CDH18: variants seen among roughly 807,000 people sequenced by gnomAD.
CDH18 encodes the protein cadherin 18, also known as cadherin-18.
CDH18 carries 31 observed loss-of-function variants against 67.9 expected under a neutral mutation model. The observed-to-expected ratio is 0.46, with a 90% CI of 0.34 to 0.62. The LOEUF (loss-of-function observed/expected upper bound fraction) is 0.62, where lower values mean the gene tolerates loss of function less well. Among genes scored for constraint, CDH18 ranks in the 20% least tolerant of loss-of-function variants. The probability of loss-of-function intolerance (pLI) is 0.01; values close to 1 mark genes in which losing one functional copy is unlikely to be tolerated. For missense variants in CDH18, 890 were observed against 975.5 expected, an observed-to-expected ratio of 0.91 and a Z score of 1.17; for synonymous variants, 362 against 347.2, an observed-to-expected ratio of 1.04 and a Z score of -0.48.
chr5:19,753,053 C>T (rs1581196504), intron 3 of CDH18, among the ~76,000 whole-genome samples: 1 of 152,274 alleles, frequency 6.6e-6, no homozygotes, highest in East Asian at 1.9e-4. Context: ...TAGACCTTCC[C>T]TCTGACATAA....
Position 20,484,122 on chromosome 5 carries a change from T to C in CDH18, c.-580+91340A>G, listed in dbSNP as rs151177914. Among the ~76,000 whole-genome samples, 1,412 of 152,062 alleles carry C rather than the reference T, an allele frequency of 9.3e-3. 13 individuals carry two copies. The highest frequency in any genetic ancestry group is 0.014 in the Non-Finnish European group (935 of 67,906). On this transcript the variant is annotated intron_variant, in intron 1 of 14. Transcript: ENST00000507958. Reference sequence around the variant, plus strand: ...TCTGAATAAAAATGGGCAAAAGGTCTGAATAGAAATTTCTCAAAAGAAGAC... The same window carrying C: ...TCTGAATAAAAATGGGCAAAAGGTCCGAATAGAAATTTCTCAAAAGAAGAC...
At chr5:20,123,423 C>G (rs944992512) in intron 2 of CDH18, among the ~76,000 whole-genome samples, 40 of 152,124 alleles carry the variant, frequency 2.6e-4, no homozygotes, top group African/African-American at 8.9e-4. Context: ...AACAACCTTA[C>G]CAAATGTATA....
rs75639431 is a variant in CDH18, at chr5:20,560,733, T to G, written c.-580+14729A>C. 4.4e-4 allele frequency among the ~76,000 whole-genome samples: 67 copies of G among 152,238 alleles called. No individual in the cohort carries two copies. The East Asian group carries it at 0.011, about 25-fold the overall frequency. ...AGGGTGAATTGGAAATTATGCTTTATTGTTGTCATAGGTACATAACAAATG... is the reference window on the plus strand; with the variant it reads ...AGGGTGAATTGGAAATTATGCTTTAGTGTTGTCATAGGTACATAACAAATG... On this transcript the variant is annotated intron_variant, in intron 1 of 14. Transcript: ENST00000507958.
At chr5:20,005,575 T>G (rs1229116424) in intron 2 of CDH18, among the ~76,000 whole-genome samples, 1 of 151,716 alleles carries the variant, frequency 6.6e-6, no homozygotes, top group East Asian at 1.9e-4. Flanking sequence ...TCTACACACA[T>G]GCATACATAT....
chr5:20,514,263 T>C (rs1175540033), intron 1 of CDH18, among the ~76,000 whole-genome samples: 5 of 152,130 alleles, frequency 3.3e-5, no homozygotes, highest in African/African-American at 2.4e-5. Flanking sequence ...ATTTTTTTAA[T>C]TGGTGTCTGA....
intron 1 of CDH18, among the ~76,000 whole-genome samples, chr5:20,437,252 A>G (rs1749241205): frequency 6.6e-6 from 1 of 151,304 alleles, no homozygotes; most frequent in South Asian, 2.1e-4. Flanking sequence ...ATACCTTTTT[A>G]TAATCCCATA....
At chr5:19,583,245 T>C (rs2149992834) in intron 7 of CDH18, among the ~76,000 whole-genome samples, 1 of 152,186 alleles carries the variant, frequency 6.6e-6, no homozygotes, top group South Asian at 2.1e-4. Flanking sequence ...TATCAGAAGC[T>C]ACAACTTTAA....
At chr5:20,117,399 G>A (rs1748013304) in intron 2 of CDH18, among the ~76,000 whole-genome samples, 1 of 152,076 alleles carries the variant, frequency 6.6e-6, no homozygotes, top group South Asian at 2.1e-4. Flanking sequence ...AATGCTGAAG[G>A]TAGAAAATAT....
rs187671866 is a variant in CDH18, at chr5:20,022,466, A to G, written c.-517-30452T>C. On this transcript the variant is annotated intron_variant, in intron 2 of 14. Coordinates refer to the CDH18 transcript ENST00000507958. ...AGGATCTCTGAAAAATAACTTAAACATCTTAAATAAATACACAAGATTTGG... is the reference window on the plus strand; with the variant it reads ...AGGATCTCTGAAAAATAACTTAAACGTCTTAAATAAATACACAAGATTTGG... 2.7e-3 allele frequency among the ~76,000 whole-genome samples: 405 copies of G among 152,356 alleles called. 1 individual carries two copies. The highest frequency in any genetic ancestry group is 9.2e-3 in the African/African-American group (384 of 41,588).
chr5:19,643,075 T>C (rs530623188), intron 5 of CDH18, among the ~76,000 whole-genome samples: 18 of 152,190 alleles, frequency 1.2e-4, no homozygotes, highest in South Asian at 6.2e-4. Flanking sequence ...ACCAGATTAA[T>C]ATAAAGGTAC....
At chr5:20,425,896 G>A (rs1348649985) in intron 1 of CDH18, among the ~76,000 whole-genome samples, 1 of 150,384 alleles carries the variant, frequency 6.6e-6, no homozygotes, top group Non-Finnish European at 1.5e-5. Context: ...AAAACAGATG[G>A]TTGTAGGCTG....
At chr5:20,549,461 G>T (rs1248971052) in intron 1 of CDH18, among the ~76,000 whole-genome samples, 1 of 152,054 alleles carries the variant, frequency 6.6e-6, no homozygotes, top group East Asian at 1.9e-4. Context: ...TTCAATATCT[G>T]TGGAACACCA....
chr5:19,876,898 C>T (rs898437524), intron 2 of CDH18, among the ~76,000 whole-genome samples: 3 of 152,030 alleles, frequency 2.0e-5, no homozygotes, highest in Admixed American at 6.6e-5. Flanking sequence ...CAATGAAATC[C>T]GTGTGGAAAT....
At chr5:20,301,175 T>TTTG (rs2149966774) in intron 1 of CDH18, among the ~76,000 whole-genome samples, 2 of 141,828 alleles carry the variant, frequency 1.4e-5, no homozygotes, top group South Asian at 4.2e-4. Context: ...GACAGTGTTT[T>TTTG]TTTGTTTTTT....
At chr5:20,211,988 A>T (rs776708911) in intron 2 of CDH18, among the ~76,000 whole-genome samples, 3 of 152,136 alleles carry the variant, frequency 2.0e-5, no homozygotes, top group African/African-American at 4.8e-5. Flanking sequence ...TTCTCTGAGC[A>T]AAAGGAGGAT....
At chr5:19,495,601 G>A (rs956555267) in intron 11 of CDH18, among the ~76,000 whole-genome samples, 2 of 151,340 alleles carry the variant, frequency 1.3e-5, no homozygotes, top group Non-Finnish European at 2.9e-5. Context: ...TTAGCCGGGC[G>A]TGGTGGCACA....
At chr5:19,732,604 A>G (rs747786208) in intron 4 of CDH18, among the ~76,000 whole-genome samples, 1 of 152,232 alleles carries the variant, frequency 6.6e-6, no homozygotes, top group African/African-American at 2.4e-5. Context: ...CCATAAGGTA[A>G]CTTTATGAAG....
chr5:20,517,041 G>T (rs775771447), intron 1 of CDH18, among the ~76,000 whole-genome samples: 1 of 151,810 alleles, frequency 6.6e-6, no homozygotes, highest in Non-Finnish European at 1.5e-5. Context: ...TGACAAACGA[G>T]AATTATGTAT....
At chr5:20,566,526 A>ATTTTT (rs33950954) in intron 1 of CDH18, among the ~76,000 whole-genome samples, 6 of 97,372 alleles carry the variant, frequency 6.2e-5, no homozygotes, top group African/African-American at 1.6e-4. Flanking sequence ...TGCCCAGCTA[A>ATTTTT]TTTTTTTTTT....
Sources: allele counts gnomAD v4.1 joint callset (sites outside exome capture counted in the v4.1 genomes callset), GRCh38; gene constraint gnomAD v4.1.1; transcripts MANE v1.5; gene names NCBI Gene and HGNC (gene_info 2026-07-23, HGNC 2026-07-21).